Variants in PPP1CB observed in about 807,000 individuals in gnomAD.
PPP1CB encodes the protein protein phosphatase 1 catalytic subunit beta, also known as serine/threonine-protein phosphatase PP1-beta catalytic subunit.
PPP1CB carries 2 observed loss-of-function variants against 43.7 expected under a neutral mutation model. The observed-to-expected ratio is 0.05, with a 90% CI of 0.02 to 0.14. The LOEUF (loss-of-function observed/expected upper bound fraction) is 0.14, where lower values mean the gene tolerates loss of function less well. Ranked by LOEUF, PPP1CB falls within the 10% of genes least tolerant of loss-of-function variation. The probability of loss-of-function intolerance (pLI) is 1.00; values close to 1 mark genes in which losing one functional copy is unlikely to be tolerated. For synonymous variants in PPP1CB, 136 were observed against 135.6 expected, an observed-to-expected ratio of 1.00 and a Z score of -0.02; for missense variants, 84 against 398.0, an observed-to-expected ratio of 0.21 and a Z score of 6.71.
At chr2:28,791,384 G>A (rs1429401963) in intron 6 of PPP1CB, among the ~76,000 whole-genome samples, 10 of 151,928 alleles carry the variant, frequency 6.6e-5, no homozygotes, top group Admixed American at 6.6e-4. Flanking sequence ...GGGCTGGTGT[G>A]CAGTGGCACC....
intron 1 of PPP1CB, among the ~76,000 whole-genome samples, chr2:28,761,246 G>T (rs1256586497): frequency 6.6e-6 from 1 of 152,126 alleles, no homozygotes; most frequent in Non-Finnish European, 1.5e-5. Flanking sequence ...AAAGAGTGAG[G>T]TCTGATTTTA....
At chr2:28,794,604 T>G (rs1667457652) in intron 7 of PPP1CB, among the ~76,000 whole-genome samples, 1 of 151,902 alleles carries the variant, frequency 6.6e-6, no homozygotes. Flanking sequence ...GGCAGGAGAA[T>G]GTCGTGAACC....
At chr2:28,785,400 C>T (rs1334917129) in intron 5 of PPP1CB, among the ~76,000 whole-genome samples, 2 of 151,788 alleles carry the variant, frequency 1.3e-5, no homozygotes, top group Admixed American at 6.6e-5. Flanking sequence ...TTACATAACA[C>T]GACTTGTTGT....
At chr2:28,772,754 A>G (rs1666940762) in intron 1 of PPP1CB, among the ~76,000 whole-genome samples, 1 of 152,170 alleles carries the variant, frequency 6.6e-6, no homozygotes, top group Non-Finnish European at 1.5e-5. Flanking sequence ...TATACTTACC[A>G]GTTAAGCATC....
intron 1 of PPP1CB, among the ~76,000 whole-genome samples, chr2:28,766,340 A>G (rs184677220): frequency 2.6e-4 from 39 of 152,350 alleles, no homozygotes; most frequent in Non-Finnish European, 4.7e-4. Flanking sequence ...CATTAGAGCA[A>G]ATGAAGTTGA....
At chr2:28,769,993 G>A (rs1001929630) in intron 1 of PPP1CB, among the ~76,000 whole-genome samples, 1 of 152,156 alleles carries the variant, frequency 6.6e-6, no homozygotes. Context: ...TATTGGCTGG[G>A]CACCGTGGCT....
chr2:28,777,579 C>CT (rs1276317885), intron 2 of PPP1CB, among the ~76,000 whole-genome samples: 1 of 152,102 alleles, frequency 6.6e-6, no homozygotes, highest in Non-Finnish European at 1.5e-5. Context: ...TTTACAGTGA[C>CT]TTTTTTACAG....
At chr2:28,764,044 G>A (rs1314858629) in intron 1 of PPP1CB, among the ~76,000 whole-genome samples, 1 of 152,068 alleles carries the variant, frequency 6.6e-6, no homozygotes, top group Non-Finnish European at 1.5e-5. Flanking sequence ...TGAGAGGGAA[G>A]TACAGCAGCT....
chr2:28,761,017 C>T (rs1018311828), intron 1 of PPP1CB, among the ~76,000 whole-genome samples: 1 of 152,162 alleles, frequency 6.6e-6, no homozygotes, highest in Non-Finnish European at 1.5e-5. Context: ...TCTCCTGCCT[C>T]AGCCTCCTGA....
intron 1 of PPP1CB, 30 bp downstream of exon 1, chr2:28,752,206 G>A: frequency 2.6e-6 from 4 of 1,521,950 alleles, no homozygotes; most frequent in Non-Finnish European, 3.5e-6. Context: ...CGGGACAGAG[G>A]GAGGTCGGGC....
intron 5 of PPP1CB, among the ~76,000 whole-genome samples, chr2:28,786,791 AAAAAG>A (rs1168913338): frequency 6.6e-6 from 1 of 151,706 alleles, no homozygotes. Flanking sequence ...AAAAAAAAAA[AAAAAG>A]AAATTATAGA....
intron 1 of PPP1CB, among the ~76,000 whole-genome samples, chr2:28,752,796 A>G (rs1666355377): frequency 6.6e-6 from 1 of 152,254 alleles, no homozygotes. Flanking sequence ...ATTGTAAGAC[A>G]AGATATTTGA....
At position 28,752,056 on chromosome 2, in the gene PPP1CB, G is replaced by A. The variant is rs998492530; in HGVS notation, c.-69G>A. On this transcript the variant is annotated 5_prime_UTR_variant, in exon 1 of 8. Coordinates refer to ENST00000395366, the MANE Select transcript of PPP1CB (RefSeq NM_002709.3). ...CTTGTAGGTGAGAGAACGCCGAGCC[G>A]TCGCCGCAGCCTCCGCCGCCGAGAA... is the stretch of plus-strand genomic sequence containing the variant. The A allele has an allele frequency of 6.1e-6, 9 of 1,474,776 alleles. No individual in the cohort carries two copies. The highest frequency in any genetic ancestry group is 8.3e-6 in the Non-Finnish European group (9 of 1,078,236). 91.4% of individuals were successfully genotyped at this position (1,474,776 alleles called of 1,614,324 possible).
At chr2:28,791,644 A>G (rs564345202) in intron 6 of PPP1CB, among the ~76,000 whole-genome samples, 2 of 152,108 alleles carry the variant, frequency 1.3e-5, no homozygotes, top group African/African-American at 4.8e-5. Context: ...ATAGTTTTTT[A>G]AATCAGTAAA....
At chr2:28,787,682 T>G (rs539143358) in intron 5 of PPP1CB, among the ~76,000 whole-genome samples, 2 of 152,232 alleles carry the variant, frequency 1.3e-5, no homozygotes, top group East Asian at 1.9e-4. Flanking sequence ...TTTCCTACTT[T>G]AGGACGATTG....
chr2:28,760,108 C>T lies in PPP1CB; in HGVS notation c.52+7932C>T, dbSNP rs189310867. On this transcript the variant is annotated intron_variant, in intron 1 of 7. Transcript: ENST00000395366. The stretch of plus-strand genomic sequence containing the variant: ...TTACTGATGATCCTGACTCTGTAGG[C>T]CTAGGCTAATGTGTGTGTATATGGC... Among the ~76,000 whole-genome samples the T allele has an allele frequency of 2.6e-3, 392 of 152,020 alleles. 4 individuals are homozygous for T. The highest frequency in any genetic ancestry group is 9.1e-3 in the African/African-American group (377 of 41,432).
At chr2:28,755,610 G>A (rs1207428047) in intron 1 of PPP1CB, among the ~76,000 whole-genome samples, 1 of 152,162 alleles carries the variant, frequency 6.6e-6, no homozygotes, top group Non-Finnish European at 1.5e-5. Context: ...TCCGGTAAAA[G>A]CTTCTTACTT....
intron 7 of PPP1CB, among the ~76,000 whole-genome samples, chr2:28,796,503 C>T (rs1282345730): frequency 6.6e-6 from 1 of 152,042 alleles, no homozygotes; most frequent in African/African-American, 2.4e-5. Context: ...CTTTCACCTC[C>T]CTGGTTAGCT....
intron 3 of PPP1CB, 65 bp downstream of exon 3, chr2:28,779,104 A>T: frequency 7.9e-7 from 1 of 1,258,672 alleles, no homozygotes; most frequent in South Asian, 1.4e-5. Flanking sequence ...TTTCTGGTTC[A>T]GAAGAGTTGC....
Sources: allele counts gnomAD v4.1 joint callset (sites outside exome capture counted in the v4.1 genomes callset), GRCh38; gene constraint gnomAD v4.1.1; transcripts MANE v1.5; gene names NCBI Gene and HGNC (gene_info 2026-07-23, HGNC 2026-07-21).